MMGT1: variants seen among roughly 807,000 people sequenced by gnomAD.
MMGT1 encodes the protein membrane magnesium transporter 1.
MMGT1 carries 2 observed loss-of-function variants against 11.7 expected under a neutral mutation model. The ratio of observed to expected loss-of-function variants is 0.17; its 90% CI spans 0.07 to 0.54. The LOEUF is 0.54. MMGT1 is among the 20% of genes least tolerant of loss of function. The pLI is 0.94. For missense variants in MMGT1, 74 were observed against 109.0 expected, an observed-to-expected ratio of 0.68 and a Z score of 1.43; for synonymous variants, 49 against 44.4, an observed-to-expected ratio of 1.10 and a Z score of -0.41.
At chrX:135,972,252 T>C (rs1386530256) in intron 1 of MMGT1, among the ~76,000 whole-genome samples, 1 of 112,509 alleles carries the variant, frequency 8.9e-6, no homozygotes, top group East Asian at 2.8e-4. Context: ...AAACATAAAA[T>C]ACAAAAATCT....
chrX:135,967,556 T>C, intron 2 of MMGT1, 63 bp from the exon 3 acceptor site: 1 of 642,166 alleles, frequency 1.6e-6, no homozygotes, highest in Non-Finnish European at 2.4e-6. Flanking sequence ...TTTACAATTT[T>C]CTCTCTACCT....
At chrX:135,969,646 T>C (rs188731131) in intron 2 of MMGT1, among the ~76,000 whole-genome samples, 43 of 112,177 alleles carry the variant, frequency 3.8e-4, no homozygotes, top group Admixed American at 9.5e-5. Context: ...CCAGAAGACT[T>C]GTTTTATATA....
Position 135,969,046 on chromosome X carries a change from C to G in MMGT1, c.133-1553G>C, listed in dbSNP as rs1043121217. ...TCAACTGCTTTCCAAAGAGGTTGAG[C>G]GAGCAAAAACGCAGAATGTTTTATT... is the stretch of plus-strand genomic sequence containing the variant. On this transcript the variant is annotated intron_variant, in intron 2 of 3. Transcript: ENST00000305963. Among the ~76,000 whole-genome samples the G allele has an allele frequency of 5.4e-5, 6 of 110,508 alleles. No homozygotes were observed. In the East Asian group the frequency reaches 1.7e-3, roughly 31 times the overall value.
chrX:135,968,247 G>T (rs782497482), intron 2 of MMGT1, among the ~76,000 whole-genome samples: 1 of 111,620 alleles, frequency 9.0e-6, no homozygotes, highest in South Asian at 3.7e-4. Flanking sequence ...TTAAGAAATA[G>T]ATCATTCCTA....
chrX:135,964,853 T>C lies in MMGT1; in HGVS notation c.*171A>G, dbSNP rs2089176505. On this transcript the variant is annotated 3_prime_UTR_variant, in exon 4 of 4. Transcript: ENST00000305963. ...GACTCATTTCACATATAACTTACACTGCATTAATGATTGGATTAACAGTAT... is the reference window on the plus strand; with the variant it reads ...GACTCATTTCACATATAACTTACACCGCATTAATGATTGGATTAACAGTAT... 8.0e-6 allele frequency: 3 copies of C among 374,843 alleles called. No individual in the cohort carries two copies. The highest frequency in any genetic ancestry group is 1.8e-4 in the South Asian group (2 of 11,280). 30.9% of individuals were successfully genotyped at this position (374,843 alleles called of 1,213,427 possible).
At chrX:135,971,614 C>G (rs1349027348) in intron 1 of MMGT1, among the ~76,000 whole-genome samples, 2 of 112,385 alleles carry the variant, frequency 1.8e-5, no homozygotes, top group Non-Finnish European at 3.8e-5. Context: ...CAGAAAATCT[C>G]AACTCTGAAA....
rs1556612868 is a variant in MMGT1 at position 135,973,710 on chromosome X, G to C, written c.-35C>G. 2 of 1,167,113 alleles carry C rather than the reference G, an allele frequency of 1.7e-6. No individual in the cohort carries two copies. The highest frequency in any genetic ancestry group is 2.6e-5 in the Admixed American group (1 of 38,803). On this transcript the variant is annotated 5_prime_UTR_variant, in exon 1 of 4. Transcript: ENST00000305963. ...GGAGCAGCAGCCCAGCAAAAGAAGC[G>C]AAGGACGGCGGAGCTGTTTCTTCTT...
chrX:135,962,546 A>T lies in MMGT1; in HGVS notation c.*2478T>A, dbSNP rs1470389732. The T allele has an allele frequency of 8.9e-6, 1 of 112,251 alleles. No individual in the cohort carries two copies. The highest frequency in any genetic ancestry group is 1.9e-5 in the Non-Finnish European group (1 of 53,258). The allele number at this position is 112,251 out of a possible 1,213,427, so 9.3% of individuals were successfully genotyped here. On this transcript the variant is annotated 3_prime_UTR_variant, in exon 4 of 4. Coordinates refer to ENST00000305963, the MANE Select transcript of MMGT1 (RefSeq NM_173470.3). ...TACTTAGCATATTTAGCAGTGTTAC[A>T]ACGCATCCAAATCACCTTTAAGTCC...
chrX:135,969,131 C>A (rs184063301), intron 2 of MMGT1, among the ~76,000 whole-genome samples: 1 of 68,602 alleles, frequency 1.5e-5, no homozygotes, highest in African/African-American at 5.1e-5. Flanking sequence ...TTAAAATAGA[C>A]ATAAATATGT....
Position 135,961,215 on chromosome X carries a change from ACATT to A in MMGT1, c.*3805_*3808del, listed in dbSNP as rs1326447133. 8.9e-6 allele frequency among the ~76,000 whole-genome samples: 1 copy of A among 111,863 alleles called. No individual in the cohort carries two copies. Among genetic ancestry groups the A allele is most frequent in the Admixed American group, 9.5e-5 (1 of 10,524 alleles). ...CTATCAGTGTTTGAACATTTGTAAC[ACATT>A]CAAACATTAGAATACCACACAGCCG... On this transcript the variant is annotated 3_prime_UTR_variant, in exon 4 of 4. Transcript: ENST00000305963.
chrX:135,965,579 A>T (rs1453210357), intron 3 of MMGT1, among the ~76,000 whole-genome samples: 1 of 110,453 alleles, frequency 9.1e-6, no homozygotes. Flanking sequence ...TTTTATTATT[A>T]TTTTTTGTAG....
chrX:135,964,479 GAA>G lies in MMGT1; in HGVS notation c.*543_*544del, dbSNP rs1230094176. On this transcript the variant is annotated 3_prime_UTR_variant, in exon 4 of 4. Transcript: ENST00000305963. ...AAGGTATATGGGAGCAGGGTAGGGT[GAA>G]AAGTCACAAATAAATTAAAAACTGG... 2 of 112,670 alleles carry G rather than the reference GAA, an allele frequency of 1.8e-5. No individual in the cohort carries two copies. The highest frequency in any genetic ancestry group is 3.8e-5 in the Non-Finnish European group (2 of 53,329). The allele number at this position is 112,670 out of a possible 1,213,427, so 9.3% of individuals were successfully genotyped here.
intron 2 of MMGT1, among the ~76,000 whole-genome samples, chrX:135,968,499 T>TTTTGTGTGTGTGTG (rs1556612221): frequency 1.2e-5 from 1 of 85,009 alleles, no homozygotes; most frequent in South Asian, 6.5e-4. Context: ...CATTATGTCA[T>TTTTGTGTGTGTGTG]TGTGTGTGTG....
chrX:135,969,201 TAAC>T (rs1163932506), intron 2 of MMGT1, among the ~76,000 whole-genome samples: 1 of 109,576 alleles, frequency 9.1e-6, no homozygotes, highest in Non-Finnish European at 1.9e-5. Context: ...TGATAGGAGT[TAAC>T]AGCCTCATCA....
Position 135,963,402 on chromosome X carries a change from G to A in MMGT1, c.*1622C>T, listed in dbSNP as rs782505097. On this transcript the variant is annotated 3_prime_UTR_variant, in exon 4 of 4. Transcript: ENST00000305963. ...AACCAAATCGTACCAGAAGAAAACA[G>A]TAGCCAAGTCTGATGGAAGGAGCTT... 2 of 112,133 alleles carry A rather than the reference G, an allele frequency of 1.8e-5. No individual in the cohort carries two copies. The highest frequency in any genetic ancestry group is 3.8e-5 in the Non-Finnish European group (2 of 53,190). The allele number at this position is 112,133 out of a possible 1,213,427, so 9.2% of individuals were successfully genotyped here.
In MMGT1 at chrX:135,971,880, TAAAG is replaced by T. The variant is rs782335884; in HGVS notation, c.80-774_80-771del. Among the ~76,000 whole-genome samples the T allele has an allele frequency of 2.7e-5, 3 of 112,518 alleles. No homozygotes were observed. In the Admixed American group the frequency reaches 2.8e-4, roughly 11 times the overall value. The stretch of plus-strand genomic sequence containing the variant: ...TCAATTTACTATAATTTCATTTAAT[TAAAG>T]AAGCCCGCAGTGATCATAATACATA... On this transcript the variant is annotated intron_variant, in intron 1 of 3. Transcript: ENST00000305963.
At chrX:135,973,486 G>T (rs1032570743) in intron 1 of MMGT1, 111 bp downstream of exon 1, 1 of 613,087 alleles carries the variant, frequency 1.6e-6, no homozygotes, top group African/African-American at 2.2e-5. Context: ...AAACTGTAAG[G>T]TCTCAAAGGA....
chrX:135,968,499 T>TTTTGTGTG (rs1556612221), intron 2 of MMGT1, among the ~76,000 whole-genome samples: 3 of 85,009 alleles, frequency 3.5e-5, no homozygotes, highest in Non-Finnish European at 6.8e-5. Flanking sequence ...CATTATGTCA[T>TTTTGTGTG]TGTGTGTGTG....
At chrX:135,965,768 G>C (rs1025155877) in intron 3 of MMGT1, among the ~76,000 whole-genome samples, 1 of 111,187 alleles carries the variant, frequency 9.0e-6, no homozygotes, top group African/African-American at 3.3e-5. Context: ...ACAAATACTA[G>C]CTCAACTATT....
Sources: gnomAD v4.1 joint callset for allele counts (sites outside exome capture counted in the v4.1 genomes callset) on GRCh38, gnomAD v4.1.1 for gene constraint, MANE v1.5 for transcripts, NCBI Gene and HGNC (gene_info 2026-07-23, HGNC 2026-07-21) for gene names.